MR1: variants seen among roughly 807,000 people sequenced by gnomAD.
MR1 encodes the protein major histocompatibility complex class I-related protein 1.
A neutral mutation model predicts 37.8 loss-of-function variants in MR1; 44 were observed. That is an observed-to-expected ratio of 1.16 (90% CI 0.91 to 1.50). The LOEUF (loss-of-function observed/expected upper bound fraction) is 1.50, where lower values mean the gene tolerates loss of function less well. Among genes scored for constraint, MR1 ranks in the 40% most tolerant of loss-of-function variants. MR1 has a pLI of 0.00. For synonymous variants in MR1, 153 were observed against 155.8 expected (o/e 0.98, Z 0.13); for missense variants, 386 against 419.1 (o/e 0.92, Z 0.69).
At position 181,053,860 on chromosome 1, in the gene MR1, C is replaced by T. The variant is rs530328517; in HGVS notation, c.985+183C>T. 2.0e-5 allele frequency among the ~76,000 whole-genome samples: 3 copies of T among 152,322 alleles called. No individual in the cohort carries two copies. In the South Asian group the frequency reaches 6.2e-4, roughly 32 times the overall value. On this transcript the variant is annotated intron_variant, in intron 5 of 5. Transcript: ENST00000367580. ...GGACACAAAGCATGGATAAAGCTTA[C>T]AGGGAGAGTGGTCTCTTTTCATAGG...
intron 1 of MR1, among the ~76,000 whole-genome samples, chr1:181,041,658 C>G (rs1319627389): frequency 6.6e-6 from 1 of 152,192 alleles, no homozygotes; most frequent in Non-Finnish European, 1.5e-5. Flanking sequence ...TTGCATGGCC[C>G]TTCTTGTCCA....
intron 2 of MR1, 108 bp from the exon 3 acceptor site, chr1:181,049,903 G>A (rs1658200555): frequency 1.3e-5 from 17 of 1,308,262 alleles, no homozygotes; most frequent in Non-Finnish European, 1.6e-5. Flanking sequence ...CCTGGGGGGT[G>A]ACATAATGTA....
Position 181,052,364 on chromosome 1 carries a change from A to G in MR1, c.734A>G (p.Gln245Arg). The G allele has an allele frequency of 6.2e-7, 1 of 1,614,196 alleles. No homozygotes were observed. The highest frequency in any genetic ancestry group is 1.3e-5 in the African/African-American group (1 of 75,056). ...TWMKNGEEIVQEIDYGDILPS... is the reference protein window; with the variant it reads ...TWMKNGEEIVREIDYGDILPS... ...ATGAAAAACGGGGAAGAAATTGTCC[A>G]AGAAATTGATTATGGAGACATTCTT... is the stretch of plus-strand genomic sequence containing the variant. The change falls in exon 4 of 6, where the codon CAA becomes CGA. Residue 245 changes from glutamine (Q) to arginine (R), a missense_variant. Physicochemically the swap from Gln to Arg is conservative, Grantham distance 43 (BLOSUM62 1). Transcript: ENST00000367580.
chr1:181,048,062 AAAAAAATTAGC>A (rs1558117210), intron 1 of MR1, among the ~76,000 whole-genome samples: 1 of 149,588 alleles, frequency 6.7e-6, no homozygotes, highest in Admixed American at 6.7e-5. Context: ...CTAAAAATAC[AAAAAAATTAGC>A]CAGGCGTGGT....
At chr1:181,053,091 A>T (rs1266743204) in intron 4 of MR1, among the ~76,000 whole-genome samples, 3 of 151,920 alleles carry the variant, frequency 2.0e-5, no homozygotes, top group Non-Finnish European at 4.4e-5. Flanking sequence ...CAAAAAACAA[A>T]AAAACACAAC....
rs763962565 is a variant in MR1 at position 181,049,084 on chromosome 1, G to T, written c.100G>T (p.Val34Phe). The T allele has an allele frequency of 1.2e-6, 2 of 1,613,912 alleles. No individual in the cohort carries two copies. Among genetic ancestry groups the T allele is most frequent in the African/African-American group, 2.7e-5 (2 of 74,940 alleles). Residue 34 changes from valine (V) to phenylalanine (F), a missense_variant, in exon 2 of 6, where the codon GTT (valine) becomes TTT (phenylalanine). Physicochemically the swap from Val to Phe is conservative, Grantham distance 50. Transcript: ENST00000367580. ...THSLRYFRLGVSDPIHGVPEF... is the reference protein window; with the variant it reads ...THSLRYFRLGFSDPIHGVPEF... ...CTCTCTGAGATATTTTCGCCTGGGCGTTTCGGATCCCATCCATGGGGTCCC... is the reference window on the plus strand; with the variant it reads ...CTCTCTGAGATATTTTCGCCTGGGCTTTTCGGATCCCATCCATGGGGTCCC...
chr1:181,053,840 C>A (rs768982079), intron 5 of MR1, among the ~76,000 whole-genome samples, 163 bp downstream of exon 5: 2 of 152,202 alleles, frequency 1.3e-5, no homozygotes, highest in Non-Finnish European at 2.9e-5. Flanking sequence ...GTAGGGGACA[C>A]AAAGCATGGA....
In MR1 at chr1:181,056,346, G is replaced by A. The variant is rs1481506318; in HGVS notation, c.*1081G>A. 2 of 150,306 alleles carry A rather than the reference G, an allele frequency of 1.3e-5. No individual in the cohort carries two copies. The highest frequency in any genetic ancestry group is 2.4e-5 in the African/African-American group (1 of 41,000). The allele number at this position is 150,306 out of a possible 1,614,324, so 9.3% of individuals were successfully genotyped here. A position where few individuals can be genotyped will look rare whatever the true frequency, so the allele number is the denominator to read the frequency against. On this transcript the variant is annotated 3_prime_UTR_variant, in exon 6 of 6. Transcript: ENST00000367580. ...GCCACTGCACTCCAGCCTGGCGACA[G>A]AGTGAGACTCTATCTCAAAATAATA...
chr1:181,052,200 G>A, intron 3 of MR1, 35 bp from the exon 4 acceptor site: 1 of 1,607,580 alleles, frequency 6.2e-7, no homozygotes. Context: ...CAGTACATAA[G>A]GCACTTTGAT....
In MR1 at chr1:181,055,530, G is replaced by A. The variant is rs1245749062; in HGVS notation, c.*265G>A. The A allele has an allele frequency of 1.0e-5, 5 of 482,310 alleles. No homozygotes were observed. Among genetic ancestry groups the A allele is most frequent in the African/African-American group, 1.9e-5 (1 of 51,334 alleles). 29.9% of individuals were successfully genotyped at this position (482,310 alleles called of 1,614,324 possible). ...AATACAGCTTGTCTCATGACACAAC[G>A]CTTCCCTACATTCTATTTGTCAATG... On this transcript the variant is annotated 3_prime_UTR_variant, in exon 6 of 6. Coordinates refer to ENST00000367580, the MANE Select transcript of MR1 (RefSeq NM_001385161.1).
chr1:181,034,075 G>T lies in MR1; in HGVS notation c.67+1G>T, dbSNP rs780099733. 2 of 1,612,434 alleles carry T rather than the reference G, an allele frequency of 1.2e-6. No individual in the cohort carries two copies. Among genetic ancestry groups the T allele is most frequent in the Middle Eastern group, 1.7e-4 (1 of 6,058 alleles). On this transcript the variant is annotated splice_donor_variant, in intron 1 of 5. Transcript: ENST00000367580. LOFTEE classifies it high-confidence loss of function. ...TTAATGGTGAAGCACAGCGATTCCC[G>T]TGAGTATCCCACGTCCTCTTCTCTC... is the stretch of plus-strand genomic sequence containing the variant.
At chr1:181,043,572 C>A (rs1308360271) in intron 1 of MR1, among the ~76,000 whole-genome samples, 1 of 151,834 alleles carries the variant, frequency 6.6e-6, no homozygotes, top group Non-Finnish European at 1.5e-5. Context: ...GAAGTGGTGA[C>A]GTGCTTATAA....
intron 1 of MR1, among the ~76,000 whole-genome samples, chr1:181,045,730 G>C (rs1207196066): frequency 2.6e-5 from 4 of 152,228 alleles, no homozygotes; most frequent in Non-Finnish European, 5.9e-5. Context: ...TCCCACTTTG[G>C]CGGCACTTGA....
intron 1 of MR1, among the ~76,000 whole-genome samples, chr1:181,048,477 G>C (rs565246897): frequency 3.7e-4 from 56 of 151,892 alleles, no homozygotes; most frequent in African/African-American, 1.3e-3. Flanking sequence ...GGAGGTTGCA[G>C]TGAACAGAGA....
At position 181,056,293 on chromosome 1, in the gene MR1, G is replaced by A. The variant is rs1299152319; in HGVS notation, c.*1028G>A. On this transcript the variant is annotated 3_prime_UTR_variant, in exon 6 of 6. Transcript: ENST00000367580. ...ACAGGGGAATTGCTTGAACCCGGGA[G>A]GCAGAGATTGCAGTGAGCCGAGATC... is the stretch of plus-strand genomic sequence containing the variant. 3.3e-5 allele frequency: 5 copies of A among 151,912 alleles called. No homozygotes were observed. Among genetic ancestry groups the A allele is most frequent in the African/African-American group, 1.2e-4 (5 of 41,450 alleles). 9.4% of individuals were successfully genotyped at this position (151,912 alleles called of 1,614,324 possible).
At chr1:181,036,015 G>A (rs1169967220) in intron 1 of MR1, among the ~76,000 whole-genome samples, 1 of 152,072 alleles carries the variant, frequency 6.6e-6, no homozygotes, top group African/African-American at 2.4e-5. Flanking sequence ...CTTGCAAGCT[G>A]ATTTCTGCTT....
At position 181,052,489 on chromosome 1, in the gene MR1, A is replaced by G; in HGVS notation, c.859A>G (p.Met287Val). The change falls in exon 4 of 6, where the codon ATG (methionine) becomes GTG (valine). Residue 287 changes from methionine (M) to valine (V), a missense_variant. Physicochemically the swap from Met to Val is conservative, Grantham distance 21 (BLOSUM62 1). Transcript: ENST00000367580. ...TCATGTGGAGCACTGCGGTGTCCAC[A>G]TGGTTCTTCAGGTCCCCCAGGGTAA... ...SCHVEHCGVHMVLQVPQESET... is the reference protein window; with the variant it reads ...SCHVEHCGVHVVLQVPQESET... The G allele has an allele frequency of 1.2e-6, 2 of 1,612,432 alleles. No individual in the cohort carries two copies. Among genetic ancestry groups the G allele is most frequent in the Non-Finnish European group, 1.7e-6 (2 of 1,178,534 alleles).
Position 181,060,014 on chromosome 1 carries a change from C to G in MR1, c.*4749C>G, listed in dbSNP as rs188564474. On this transcript the variant is annotated 3_prime_UTR_variant, in exon 6 of 6. Transcript: ENST00000367580. ...TAAAAGTACCACAAAAACTGGGTGG[C>G]TTGGAACAACAGAAATTTATTGTTT... 1 of 152,280 alleles carries G rather than the reference C, an allele frequency of 6.6e-6. No individual in the cohort carries two copies. The highest frequency in any genetic ancestry group is 1.5e-5 in the Non-Finnish European group (1 of 68,018). 9.4% of individuals were successfully genotyped at this position (152,280 alleles called of 1,614,324 possible).
In MR1 at chr1:181,049,323, G is replaced by C; in HGVS notation, c.328+11G>C. On this transcript the variant is annotated intron_variant, in intron 2 of 5. Transcript: ENST00000367580. ...ACTACAATCACTCAGGTGTGCATGC[G>C]GCAGAGACAGACGCTTCCCCCATCC... 6.2e-7 allele frequency: 1 copy of C among 1,608,784 alleles called. No individual in the cohort carries two copies. The highest frequency in any genetic ancestry group is 8.5e-7 in the Non-Finnish European group (1 of 1,176,936).
Sources: allele counts gnomAD v4.1 joint callset (sites outside exome capture counted in the v4.1 genomes callset), GRCh38; gene constraint gnomAD v4.1.1; transcripts MANE v1.5; gene names NCBI Gene and HGNC (gene_info 2026-07-23, HGNC 2026-07-21).